The following ASIC2 variants were observed in gnomAD, a reference collection of about 807,000 sequenced individuals.
ASIC2 encodes acid sensing ion channel subunit 2.
ASIC2 carries 25 observed loss-of-function variants against 57.3 expected under a neutral mutation model. The ratio of observed to expected loss-of-function variants is 0.44; its 90% CI spans 0.32 to 0.61. The LOEUF is 0.61. Ranked by LOEUF, ASIC2 falls within the 20% of genes least tolerant of loss-of-function variation. The pLI is 0.06. For missense variants in ASIC2, 641 were observed against 738.1 expected (o/e 0.87, Z 1.52); for synonymous variants, 319 against 307.5 (o/e 1.04, Z -0.39).
chr17:33,472,805 G>T (rs542994969), intron 1 of ASIC2, among the ~76,000 whole-genome samples: 34 of 152,286 alleles, frequency 2.2e-4, no homozygotes, highest in African/African-American at 8.2e-4. Flanking sequence ...AACTGACAAG[G>T]GATGAGTTTG....
At chr17:33,814,563 T>C (rs903020032) in intron 1 of ASIC2, among the ~76,000 whole-genome samples, 1 of 152,206 alleles carries the variant, frequency 6.6e-6, no homozygotes. Context: ...ATTTCTCTTA[T>C]GGAAATAAGG....
chr17:33,386,379 CT>C (rs1909677714), intron 1 of ASIC2, among the ~76,000 whole-genome samples: 1 of 152,202 alleles, frequency 6.6e-6, no homozygotes, highest in Non-Finnish European at 1.5e-5. Flanking sequence ...CTTACCACCC[CT>C]GAAGCTTTCC....
intron 1 of ASIC2, among the ~76,000 whole-genome samples, chr17:33,877,427 G>A (rs112688181): frequency 6.6e-6 from 1 of 152,224 alleles, no homozygotes; most frequent in African/African-American, 2.4e-5. Flanking sequence ...CCCTAGTACT[G>A]TGCTTTTCCA....
At chr17:33,743,837 T>C (rs779478949) in intron 1 of ASIC2, among the ~76,000 whole-genome samples, 13 of 152,208 alleles carry the variant, frequency 8.5e-5, no homozygotes, top group Non-Finnish European at 1.6e-4. Flanking sequence ...TATTTAAAAT[T>C]AATCTCTCTC....
At chr17:33,531,425 C>T (rs560418293) in intron 1 of ASIC2, among the ~76,000 whole-genome samples, 1 of 152,274 alleles carries the variant, frequency 6.6e-6, no homozygotes. Flanking sequence ...GACACGTGGG[C>T]CTCAATCCTC....
At chr17:34,062,039 C>T (rs561128817) in intron 1 of ASIC2, among the ~76,000 whole-genome samples, 5 of 151,960 alleles carry the variant, frequency 3.3e-5, no homozygotes, top group African/African-American at 7.2e-5. Flanking sequence ...AGATATGTAC[C>T]GAACATTTCA....
intron 1 of ASIC2, among the ~76,000 whole-genome samples, chr17:33,352,537 C>T (rs2142250330): frequency 6.6e-6 from 1 of 152,296 alleles, no homozygotes; most frequent in South Asian, 2.1e-4. Flanking sequence ...CCTTCTGACC[C>T]TATCTGTCTT....
rs187323574 is a variant in ASIC2, at chr17:33,138,835, A to G, written c.709-26768T>C. Among the ~76,000 whole-genome samples, 118 of 152,346 alleles carry G rather than the reference A, an allele frequency of 7.7e-4. 2 individuals carry two copies. The highest frequency in any genetic ancestry group is 1.3e-4 in the Non-Finnish European group (9 of 68,040). On this transcript the variant is annotated intron_variant, in intron 1 of 9. Coordinates refer to ENST00000225823, the MANE Select transcript of ASIC2 (RefSeq NM_183377.2). ...ACTATCTTGAATTGACATTTTAAAAAAATGCATATTTTAACTGGCTGCCTT... is the reference window on the plus strand; with the variant it reads ...ACTATCTTGAATTGACATTTTAAAAGAATGCATATTTTAACTGGCTGCCTT...
chr17:33,380,265 A>AAAAAAAAG (rs1909437820), intron 1 of ASIC2, among the ~76,000 whole-genome samples: 4 of 130,172 alleles, frequency 3.1e-5, no homozygotes, highest in East Asian at 2.0e-4. Flanking sequence ...AAAAAAAAAA[A>AAAAAAAAG]AAAGAAAGAA....
At chr17:33,429,090 G>A (rs1911314665) in intron 1 of ASIC2, among the ~76,000 whole-genome samples, 1 of 152,162 alleles carries the variant, frequency 6.6e-6, no homozygotes, top group East Asian at 1.9e-4. Flanking sequence ...GTGTGTCAGG[G>A]TAAGGTGTCT....
rs1253852243 is a variant in ASIC2, at chr17:33,547,979, G to A, written c.556-435912C>T. ...CTGATACAGCCAGCCATCACAGCCA[G>A]GCACAAGATACAGGTTCAGTGTCAC... On this transcript the variant is annotated intron_variant, in intron 1 of 9. Transcript: ENST00000359872. Among the ~76,000 whole-genome samples, 3 of 152,222 alleles carry A rather than the reference G, an allele frequency of 2.0e-5. No individual in the cohort carries two copies. The South Asian group carries it at 6.2e-4, about 32-fold the overall frequency.
At chr17:33,942,439 T>C (rs935536041) in intron 1 of ASIC2, among the ~76,000 whole-genome samples, 4 of 152,102 alleles carry the variant, frequency 2.6e-5, no homozygotes, top group Admixed American at 2.6e-4. Context: ...AGGGTCTAAC[T>C]CAAGTTCACA....
intron 1 of ASIC2, among the ~76,000 whole-genome samples, chr17:33,559,643 T>A (rs2141982786): frequency 6.6e-6 from 1 of 152,324 alleles, no homozygotes; most frequent in African/African-American, 2.4e-5. Context: ...TCATACCTGC[T>A]CTTTTCAATG....
intron 1 of ASIC2, among the ~76,000 whole-genome samples, chr17:33,401,081 ACT>A (rs1910269218): frequency 6.6e-6 from 1 of 152,014 alleles, no homozygotes; most frequent in Admixed American, 6.6e-5. Flanking sequence ...CCGTCTCAAC[ACT>A]CTAACAGAGG....
At chr17:33,578,843 G>A (rs1011934618) in intron 1 of ASIC2, among the ~76,000 whole-genome samples, 2 of 152,180 alleles carry the variant, frequency 1.3e-5, no homozygotes, top group African/African-American at 4.8e-5. Context: ...AAACTGTGGA[G>A]CTAAACATTG....
intron 1 of ASIC2, among the ~76,000 whole-genome samples, chr17:33,908,066 C>G (rs753699604): frequency 6.6e-6 from 1 of 152,178 alleles, no homozygotes; most frequent in Admixed American, 6.5e-5. Context: ...GGAGAAATTT[C>G]CCATTATCTT....
chr17:34,015,913 C>T (rs1457643632), intron 1 of ASIC2, among the ~76,000 whole-genome samples: 6 of 152,200 alleles, frequency 3.9e-5, no homozygotes, highest in African/African-American at 1.4e-4. Flanking sequence ...AACTCACGTG[C>T]CTACCATGAG....
intron 1 of ASIC2, among the ~76,000 whole-genome samples, chr17:33,155,506 A>C (rs1597607446): frequency 6.8e-6 from 1 of 146,668 alleles, no homozygotes; most frequent in African/African-American, 2.5e-5. Flanking sequence ...TTCTTTGGCC[A>C]TTTCTGCCTC....
chr17:33,436,720 G>T (rs34767680), intron 1 of ASIC2, among the ~76,000 whole-genome samples: 1 of 151,952 alleles, frequency 6.6e-6, no homozygotes, highest in East Asian at 1.9e-4. Flanking sequence ...TTTCTTTACC[G>T]CAATACCACA....
Sources: gnomAD v4.1 joint callset for allele counts (sites outside exome capture counted in the v4.1 genomes callset) on GRCh38, gnomAD v4.1.1 for gene constraint, MANE v1.5 for transcripts, NCBI Gene and HGNC (gene_info 2026-07-23, HGNC 2026-07-21) for gene names.